PXDN: variants seen among roughly 807,000 people sequenced by gnomAD.
PXDN encodes the protein peroxidasin, also known as peroxidasin homolog.
In PXDN, 77 loss-of-function variants were observed where a neutral mutation model predicts 140.3. The ratio of observed to expected loss-of-function variants is 0.55; its 90% CI spans 0.46 to 0.66. The LOEUF (loss-of-function observed/expected upper bound fraction) is 0.66, where lower values mean the gene tolerates loss of function less well. Ranked by LOEUF, PXDN falls within the 30% of genes least tolerant of loss-of-function variation. The pLI is 0.00. For missense variants in PXDN, 1,838 were observed against 2,039.5 expected, an observed-to-expected ratio of 0.90 and a Z score of 1.90; for synonymous variants, 911 against 857.4, an observed-to-expected ratio of 1.06 and a Z score of -1.09.
At chr2:1,684,379 G>A (rs1305202631) in intron 4 of PXDN, among the ~76,000 whole-genome samples, 1 of 152,168 alleles carries the variant, frequency 6.6e-6, no homozygotes, top group Non-Finnish European at 1.5e-5. Context: ...AAGGGCGAGG[G>A]AGGCCTAGAG....
At chr2:1,716,715 T>TATGCCCTGGTGGTACCTC (rs1372245137) in intron 1 of PXDN, among the ~76,000 whole-genome samples, 1 of 152,094 alleles carries the variant, frequency 6.6e-6, no homozygotes, top group Non-Finnish European at 1.5e-5. Context: ...TCTGGGGCCT[T>TATGCCCTGGTGGTACCTC]ATGCCCTGGT....
intron 10 of PXDN, among the ~76,000 whole-genome samples, chr2:1,665,928 C>G (rs1292361137): frequency 6.6e-6 from 1 of 151,994 alleles, no homozygotes; most frequent in East Asian, 1.9e-4. Flanking sequence ...CACACACACT[C>G]TCTCTCTCAC....
chr2:1,634,511 A>C (rs1157261671), intron 22 of PXDN, among the ~76,000 whole-genome samples, 188 bp from the exon 23 acceptor site: 3 of 152,324 alleles, frequency 2.0e-5, no homozygotes, highest in Middle Eastern at 3.4e-3. Flanking sequence ...TCATAGTTGC[A>C]GACAGGTATG....
chr2:1,646,486 A>T, intron 17 of PXDN, among the ~76,000 whole-genome samples: 1 of 152,250 alleles, frequency 6.6e-6, no homozygotes, highest in East Asian at 1.9e-4. Flanking sequence ...CAAAACCATG[A>T]TAAAAAAATT....
At chr2:1,739,888 A>G (rs1271729105) in intron 1 of PXDN, among the ~76,000 whole-genome samples, 2 of 152,256 alleles carry the variant, frequency 1.3e-5, no homozygotes, top group African/African-American at 2.4e-5. Context: ...TTTGCGTGGC[A>G]ATAATAAAGT....
chr2:1,694,236 G>C (rs1684248132), intron 1 of PXDN, among the ~76,000 whole-genome samples: 1 of 152,150 alleles, frequency 6.6e-6, no homozygotes, highest in South Asian at 2.1e-4. Context: ...TTGGTCATTA[G>C]GGTATCATAG....
At chr2:1,663,335 G>C (rs1170108178) in intron 12 of PXDN, among the ~76,000 whole-genome samples, 2 of 152,120 alleles carry the variant, frequency 1.3e-5, no homozygotes, top group Non-Finnish European at 2.9e-5. Context: ...AAACCTGATA[G>C]ATTTTACTTT....
Position 1,649,359 on chromosome 2 carries a change from G to A in PXDN, c.2421C>T (p.Thr807=), listed in dbSNP as rs757984924. The A allele has an allele frequency of 4.3e-6, 7 of 1,613,974 alleles. No homozygotes were observed. Among genetic ancestry groups the A allele is most frequent in the East Asian group, 4.5e-5 (2 of 44,856 alleles). Residue 807 remains threonine, a synonymous_variant, in exon 17 of 23, where the codon ACC becomes ACT. Coordinates refer to ENST00000252804, the MANE Select transcript of PXDN (RefSeq NM_012293.3). This position sits in a 1 kb window ranked among gnomAD's most constrained non-coding sequence, Gnocchi z 7.1. ...GGGTGAACTGCTCGTCGGGTGTGAC[G>A]GTCTCCGTCCCGATCAGGGTGGTGG... The part of the protein sequence containing the change: ...LVSTTLIGTE[T]VTPDEQFTHM...
intron 4 of PXDN, among the ~76,000 whole-genome samples, chr2:1,684,964 ACTT>A (rs1249740411): frequency 5.3e-5 from 8 of 152,150 alleles, no homozygotes; most frequent in Non-Finnish European, 1.2e-4. Flanking sequence ...TTCAGTGACT[ACTT>A]CTTCAGGAGG....
chr2:1,743,599 AGGGGCG>A (rs1423206999), intron 1 of PXDN, among the ~76,000 whole-genome samples: 2 of 86,710 alleles, frequency 2.3e-5, no homozygotes, highest in Non-Finnish European at 4.7e-5. Context: ...CTGCGCTCCA[AGGGGCG>A]GGGGAGGGGG....
chr2:1,657,203 G>A (rs2125418246), intron 14 of PXDN, among the ~76,000 whole-genome samples: 1 of 147,384 alleles, frequency 6.8e-6, no homozygotes, highest in African/African-American at 2.5e-5. Flanking sequence ...CCTGGGACCT[G>A]CCCCCTCCTG....
At position 1,699,714 on chromosome 2, in the gene PXDN, AAAAC is replaced by A. The variant is rs574442204; in HGVS notation, c.201-6584_201-6581del. Among the ~76,000 whole-genome samples the A allele has an allele frequency of 7.9e-5, 12 of 152,330 alleles. 1 individual carries two copies. The highest frequency in any genetic ancestry group is 5.8e-4 in the East Asian group (3 of 5,182). Reference sequence around the variant, plus strand: ...AACAAGAGCGAAACTCTGTCTCACCAAAACAAACAAACAAACAAACAAAAATAAA... The same window carrying A: ...AACAAGAGCGAAACTCTGTCTCACCAAAACAAACAAACAAACAAAAATAAA... On this transcript the variant is annotated intron_variant, in intron 1 of 22. Coordinates refer to ENST00000252804, the MANE Select transcript of PXDN (RefSeq NM_012293.3).
At chr2:1,645,502 G>A (rs1031808240) in intron 17 of PXDN, among the ~76,000 whole-genome samples, 8 of 152,106 alleles carry the variant, frequency 5.3e-5, no homozygotes, top group African/African-American at 1.9e-4. Flanking sequence ...ACTCAAATCA[G>A]TGACCACCAA....
intron 19 of PXDN, among the ~76,000 whole-genome samples, chr2:1,641,020 CCAGGCTGGCCAAGCCAGGAG>C (rs1682715359): frequency 6.6e-6 from 1 of 152,240 alleles, no homozygotes; most frequent in African/African-American, 2.4e-5. Flanking sequence ...TCTGTGCTGC[CCAGGCTGGCCAAGCCAGGAG>C]CAGGCTGGCT....
intron 14 of PXDN, among the ~76,000 whole-genome samples, chr2:1,659,260 T>A (rs947626937): frequency 6.6e-6 from 1 of 152,236 alleles, no homozygotes; most frequent in Admixed American, 6.5e-5. Context: ...CTATTTTGCA[T>A]ATTTGAGGTA....
At chr2:1,679,601 G>A (rs769633870) in intron 7 of PXDN, among the ~76,000 whole-genome samples, 4 of 65,274 alleles carry the variant, frequency 6.1e-5, no homozygotes, top group East Asian at 7.1e-4. Flanking sequence ...GTGTATGTGC[G>A]TGTGTGTGTG....
At chr2:1,663,490 GA>G in intron 12 of PXDN, 114 bp downstream of exon 12, 1 of 1,408,142 alleles carries the variant, frequency 7.1e-7, no homozygotes, top group Non-Finnish European at 9.7e-7. Context: ...AAAATGCAGA[GA>G]GAACAGCCAA....
Position 1,685,124 on chromosome 2 carries a change from C to A in PXDN, c.417-973G>T, listed in dbSNP as rs1254279713. Among the ~76,000 whole-genome samples the A allele has an allele frequency of 6.6e-6, 1 of 152,214 alleles. No individual in the cohort carries two copies. Among genetic ancestry groups the A allele is most frequent in the Non-Finnish European group, 1.5e-5 (1 of 68,042 alleles). On this transcript the variant is annotated intron_variant, in intron 4 of 22. Transcript: ENST00000252804. This position sits in a 1 kb window ranked among gnomAD's most constrained non-coding sequence, Gnocchi z 5.1. ...CCACCAGGGCACCAGAGTGCGGCTG[C>A]CAGGGCCCGCCCCGTCCCGGGGCCA... is the stretch of plus-strand genomic sequence containing the variant.
chr2:1,663,589 A>C lies in PXDN; in HGVS notation c.1567+16T>G, dbSNP rs747756759. 6 of 1,612,954 alleles carry C rather than the reference A, an allele frequency of 3.7e-6. No individual in the cohort carries two copies. In the Admixed American group the frequency reaches 1.0e-4, roughly 27 times the overall value. ...TCTGAGAAAATCAATTCAGTCCACA[A>C]CCTCCTGGCACCTACCTCTGGGCTG... On this transcript the variant is annotated intron_variant, in intron 12 of 22. Transcript: ENST00000252804.
Sources: allele counts gnomAD v4.1 joint callset (sites outside exome capture counted in the v4.1 genomes callset), GRCh38; gene constraint gnomAD v4.1.1; non-coding constraint Gnocchi (gnomAD v3.1); transcripts MANE v1.5; gene names NCBI Gene and HGNC (gene_info 2026-07-23, HGNC 2026-07-21).